Variants in FOXN2 observed in about 807,000 individuals in gnomAD.
FOXN2 encodes forkhead box protein N2.
Under a neutral mutation model 41.2 loss-of-function variants are expected in FOXN2, and 19 were observed. The observed-to-expected ratio is 0.46, with a 90% CI of 0.32 to 0.68. The LOEUF is 0.68. FOXN2 is among the 30% of genes least tolerant of loss of function. The pLI is 0.03. For synonymous variants in FOXN2, 195 were observed against 176.8 expected (o/e 1.10, Z -0.82); for missense variants, 587 against 509.4 (o/e 1.15, Z -1.47).
chr2:48,321,404 C>G (rs895658527), intron 1 of FOXN2, among the ~76,000 whole-genome samples: 1 of 152,004 alleles, frequency 6.6e-6, no homozygotes, highest in Admixed American at 6.6e-5. Context: ...GGCGTGGTGG[C>G]GAGTGCCTGT....
At chr2:48,336,435 A>ATG (rs748406091) in intron 2 of FOXN2, among the ~76,000 whole-genome samples, 14,853 of 146,028 alleles carry the variant, frequency 0.1, 803 homozygotes, top group East Asian at 0.15. Flanking sequence ...ATATATGTAT[A>ATG]TGTGTGTGTG....
intron 1 of FOXN2, among the ~76,000 whole-genome samples, chr2:48,323,853 A>T (rs780122554): frequency 6.6e-6 from 1 of 152,024 alleles, no homozygotes; most frequent in Non-Finnish European, 1.5e-5. Flanking sequence ...TTTTTATAGT[A>T]TAGTTTCAGG....
chr2:48,316,468 A>G (rs1558605217), intron 1 of FOXN2, among the ~76,000 whole-genome samples: 1 of 151,976 alleles, frequency 6.6e-6, no homozygotes, highest in Non-Finnish European at 1.5e-5. Context: ...TTTTCTTTTT[A>G]CATAAAAATT....
In FOXN2 at chr2:48,346,751, GGTCA is replaced by G. The variant is rs1173161546; in HGVS notation, c.537+3_537+6del. On this transcript the variant is annotated splice_donor_variant and splice_donor_region_variant and intron_variant, in intron 3 of 6. Coordinates refer to ENST00000340553, the MANE Select transcript of FOXN2 (RefSeq NM_002158.4). LOFTEE classifies it high-confidence loss of function. ...AGAAAGTGGAAAGAAGCCATGGCAA[GGTCA>G]GTGTTTATGAACATTGCTATATTTG... 1.3e-6 allele frequency: 2 copies of G among 1,576,582 alleles called. No homozygotes were observed. The highest frequency in any genetic ancestry group is 2.4e-5 in the South Asian group (2 of 84,892).
chr2:48,317,465 T>G (rs767681683), intron 1 of FOXN2, among the ~76,000 whole-genome samples: 2 of 151,848 alleles, frequency 1.3e-5, no homozygotes, highest in Non-Finnish European at 2.9e-5. Flanking sequence ...AAAAAATTTT[T>G]TTTTTGAAGG....
intron 1 of FOXN2, among the ~76,000 whole-genome samples, chr2:48,326,165 C>T (rs77693017): frequency 0.085 from 12,936 of 152,146 alleles, 602 homozygotes; most frequent in South Asian, 0.13. Flanking sequence ...CTCCCAAGAT[C>T]TCCAAGCTGT....
intron 3 of FOXN2, among the ~76,000 whole-genome samples, chr2:48,352,072 T>C (rs1558629840): frequency 6.6e-6 from 1 of 152,148 alleles, no homozygotes; most frequent in Non-Finnish European, 1.5e-5. Context: ...TTGTTTGGAC[T>C]TCAGTTTTGA....
chr2:48,314,279 G>GGCCGC (rs1256741965), upstream of FOXN2, among the ~76,000 whole-genome samples: 10 of 152,336 alleles, frequency 6.6e-5, no homozygotes, highest in Non-Finnish European at 1.0e-4. Flanking sequence ...ACCACTCAGC[G>GGCCGC]GCCGCGCCGC....
intron 3 of FOXN2, among the ~76,000 whole-genome samples, chr2:48,354,927 T>A (rs1671692623): frequency 6.6e-6 from 1 of 152,168 alleles, no homozygotes; most frequent in South Asian, 2.1e-4. Flanking sequence ...ATTTTAAATA[T>A]TTGAGGACAT....
intron 2 of FOXN2, among the ~76,000 whole-genome samples, chr2:48,337,622 C>T (rs138367382): frequency 2.1e-4 from 32 of 151,918 alleles, no homozygotes; most frequent in Non-Finnish European, 2.5e-4. Context: ...CATTCTTTTT[C>T]GTGTGTATAT....
intron 2 of FOXN2, among the ~76,000 whole-genome samples, chr2:48,338,116 T>G (rs975251188): frequency 6.6e-6 from 1 of 152,198 alleles, no homozygotes. Context: ...TACACTGTTA[T>G]AATACCAACT....
intron 5 of FOXN2, 123 bp from the exon 6 acceptor site, chr2:48,373,169 G>A (rs933965704): frequency 3.4e-5 from 22 of 652,568 alleles, no homozygotes; most frequent in Middle Eastern, 4.3e-4. Flanking sequence ...TTTGATGTGC[G>A]TTTATGCTTT....
At chr2:48,314,928 G>A (rs1668791122) in intron 1 of FOXN2, 114 bp downstream of exon 1, 1 of 152,070 alleles carries the variant, frequency 6.6e-6, no homozygotes, top group African/African-American at 2.4e-5. Flanking sequence ...GTGGGGCGCG[G>A]AGGCGGCTGT....
intron 6 of FOXN2, among the ~76,000 whole-genome samples, chr2:48,374,186 G>C (rs938360924): frequency 6.6e-6 from 1 of 151,886 alleles, no homozygotes; most frequent in Non-Finnish European, 1.5e-5. Flanking sequence ...TACATAAAAA[G>C]GATTCTGCAA....
At chr2:48,351,475 G>A (rs1671443585) in intron 3 of FOXN2, among the ~76,000 whole-genome samples, 1 of 152,260 alleles carries the variant, frequency 6.6e-6, no homozygotes, top group East Asian at 1.9e-4. Flanking sequence ...TTATTACCTA[G>A]CACAGTGGTC....
chr2:48,338,165 T>G (rs1359257319), intron 2 of FOXN2, among the ~76,000 whole-genome samples: 1 of 152,148 alleles, frequency 6.6e-6, no homozygotes, highest in Non-Finnish European at 1.5e-5. Context: ...AAAACTTCCT[T>G]TATCACATGG....
At chr2:48,366,305 G>A (rs1342455218) in intron 5 of FOXN2, among the ~76,000 whole-genome samples, 1 of 150,200 alleles carries the variant, frequency 6.7e-6, no homozygotes, top group African/African-American at 2.5e-5. Context: ...ATTGCAGTGA[G>A]CCGAGATCGC....
intron 3 of FOXN2, among the ~76,000 whole-genome samples, chr2:48,351,483 G>C (rs991674869): frequency 1.3e-5 from 2 of 152,168 alleles, no homozygotes; most frequent in African/African-American, 4.8e-5. Flanking sequence ...TAGCACAGTG[G>C]TCCCCAAACT....
chr2:48,370,712 T>G (rs986416402), intron 5 of FOXN2, among the ~76,000 whole-genome samples: 1 of 152,202 alleles, frequency 6.6e-6, no homozygotes, highest in Non-Finnish European at 1.5e-5. Flanking sequence ...GTTAATCCCC[T>G]GTCAGATGAG....
Sources: allele counts gnomAD v4.1 joint callset (sites outside exome capture counted in the v4.1 genomes callset), GRCh38; gene constraint gnomAD v4.1.1; transcripts MANE v1.5; gene names NCBI Gene and HGNC (gene_info 2026-07-23, HGNC 2026-07-21).